Variants in TRPM6 observed in about 807,000 individuals in gnomAD.
The protein encoded by TRPM6 is transient receptor potential cation channel subfamily M member 6, also known as channel kinase 2.
In TRPM6, 111 loss-of-function variants were observed where a neutral mutation model predicts 247.6. The ratio of observed to expected loss-of-function variants is 0.45; its 90% CI spans 0.38 to 0.52. The LOEUF (loss-of-function observed/expected upper bound fraction) is 0.52, where lower values mean the gene tolerates loss of function less well. TRPM6 is among the 20% of genes least tolerant of loss of function. The pLI is 0.00. For synonymous variants in TRPM6, 892 were observed against 853.8 expected (o/e 1.04, Z -0.78); for missense variants, 2,126 against 2,421.5 (o/e 0.88, Z 2.56).
chr9:74,859,199 C>G (rs1830620857), intron 1 of TRPM6, among the ~76,000 whole-genome samples: 1 of 152,162 alleles, frequency 6.6e-6, no homozygotes, highest in South Asian at 2.1e-4. Context: ...AGAGATGTGA[C>G]TCAGCAAGAT....
chr9:74,837,726 G>A (rs1256726735), intron 5 of TRPM6, among the ~76,000 whole-genome samples: 1 of 150,616 alleles, frequency 6.6e-6, no homozygotes, highest in Non-Finnish European at 1.5e-5. Flanking sequence ...GATTACAGGT[G>A]TGAGCCACCA....
At chr9:74,753,722 C>T (rs756557277) in intron 28 of TRPM6, among the ~76,000 whole-genome samples, 10 of 152,070 alleles carry the variant, frequency 6.6e-5, no homozygotes, top group Non-Finnish European at 1.5e-4. Context: ...AGAGAGAATG[C>T]TACCTGACAG....
chr9:74,876,741 A>C (rs973200134), intron 1 of TRPM6, among the ~76,000 whole-genome samples: 1 of 152,224 alleles, frequency 6.6e-6, no homozygotes, highest in Non-Finnish European at 1.5e-5. Context: ...AATCTGGTAC[A>C]TAATAATTAT....
chr9:74,768,626 C>G (rs1271175730), intron 25 of TRPM6, among the ~76,000 whole-genome samples: 2 of 152,216 alleles, frequency 1.3e-5, no homozygotes, highest in Non-Finnish European at 2.9e-5. Context: ...TCTCCCTTAG[C>G]TCCACATCTG....
Position 74,810,870 on chromosome 9 carries a change from T to C in TRPM6, c.1444-2A>G. 1 of 1,613,024 alleles carries C rather than the reference T, an allele frequency of 6.2e-7. No individual in the cohort carries two copies. The highest frequency in any genetic ancestry group is 8.5e-7 in the Non-Finnish European group (1 of 1,179,132). ...GAGTGTATTAGTAGGTCCTTGTTTC[T>C]GAAATAAAGAACAAAAGGAAGAATT... On this transcript the variant is annotated splice_acceptor_variant, in intron 12 of 38. Coordinates refer to ENST00000360774, the MANE Select transcript of TRPM6 (RefSeq NM_017662.5). LOFTEE classifies it high-confidence loss of function.
intron 1 of TRPM6, among the ~76,000 whole-genome samples, chr9:74,869,996 A>G (rs115055756): frequency 0.01 from 1,568 of 152,294 alleles, 32 homozygotes; most frequent in African/African-American, 0.036. Flanking sequence ...TGCCAACTTC[A>G]GCATTTATTT....
chr9:74,771,102 A>G (rs1176456307), intron 25 of TRPM6, among the ~76,000 whole-genome samples: 2 of 152,128 alleles, frequency 1.3e-5, no homozygotes, highest in African/African-American at 4.8e-5. Context: ...ATGTGGCCTC[A>G]GGCGGCTGCG....
chr9:74,801,275 T>TTTTTTTA (rs1491404272), intron 16 of TRPM6, among the ~76,000 whole-genome samples: 24 of 75,844 alleles, frequency 3.2e-4, no homozygotes, highest in African/African-American at 1.5e-3. Context: ...TTTTTTTTTT[T>TTTTTTTA]ATTGACGGAG....
chr9:74,722,528 T>A lies in TRPM6; in HGVS notation c.*2085A>T, dbSNP rs542305317. 2.6e-5 allele frequency: 4 copies of A among 152,336 alleles called. No individual in the cohort carries two copies. In the East Asian group the frequency reaches 7.7e-4, roughly 29 times the overall value. 9.4% of individuals were successfully genotyped at this position (152,336 alleles called of 1,614,324 possible). A position where few individuals can be genotyped will look rare whatever the true frequency, so the allele number is the denominator to read the frequency against. On this transcript the variant is annotated 3_prime_UTR_variant, in exon 39 of 39. Transcript: ENST00000360774. ...AAATCCAAATGTATTTGCTTTCAAG[T>A]TCCATTCCAGGTAACAAATATTTGA...
At chr9:74,855,447 A>G in intron 3 of TRPM6, 80 bp downstream of exon 3, 1 of 987,642 alleles carries the variant, frequency 1.0e-6, no homozygotes, top group Non-Finnish European at 1.6e-6. Context: ...GAGTACATTC[A>G]AGATATGAGG....
At chr9:74,861,721 G>T (rs1284984854) in intron 1 of TRPM6, among the ~76,000 whole-genome samples, 1 of 152,078 alleles carries the variant, frequency 6.6e-6, no homozygotes, top group Non-Finnish European at 1.5e-5. Flanking sequence ...ATTATTACTA[G>T]CAATATTAAA....
chr9:74,868,995 A>G (rs1564059404), intron 1 of TRPM6, among the ~76,000 whole-genome samples: 1 of 152,214 alleles, frequency 6.6e-6, no homozygotes, highest in Non-Finnish European at 1.5e-5. Flanking sequence ...CAGTTTAGTA[A>G]AATGTTTGCA....
chr9:74,816,949 C>T lies in TRPM6; in HGVS notation c.1150G>A (p.Ala384Thr), dbSNP rs995780111. Residue 384 changes from alanine (A) to threonine (T), a missense_variant, in exon 10 of 39, where the codon GCT (alanine) becomes ACT (threonine). By Grantham distance (58) the Ala-to-Thr change is moderately conservative (BLOSUM62 0). This residue lies in a region of TRPM6 where 1,082 missense variants were observed against 1,307.9 expected (regional missense o/e 0.83). Transcript: ENST00000360774. ...AGGTCTTGCTGCTCTTCAGAGTCAG[C>T]ATCAAATATGGTAATCTACAACAGT... ...VHRDCITIFD[A>T]DSEEQQDLDL... 1.2e-6 allele frequency: 2 copies of T among 1,613,896 alleles called. No individual in the cohort carries two copies. Among genetic ancestry groups the T allele is most frequent in the Non-Finnish European group, 1.7e-6 (2 of 1,179,948 alleles).
At chr9:74,885,741 C>T (rs1831510910) in intron 1 of TRPM6, among the ~76,000 whole-genome samples, 2 of 152,100 alleles carry the variant, frequency 1.3e-5, no homozygotes, top group Non-Finnish European at 2.9e-5. Context: ...GAAAATCACT[C>T]AGATTATTTG....
intron 1 of TRPM6, among the ~76,000 whole-genome samples, chr9:74,866,197 A>G (rs1028979758): frequency 6.6e-6 from 1 of 152,266 alleles, no homozygotes; most frequent in Non-Finnish European, 1.5e-5. Flanking sequence ...AATTTTATTT[A>G]TGACATTCAT....
In TRPM6 at chr9:74,841,048, A is replaced by T. The variant is rs1033851426; in HGVS notation, c.331-811T>A. On this transcript the variant is annotated intron_variant, in intron 4 of 38. Transcript: ENST00000360774. ...ATTCTAGAGCATGGACATTTAATTT[A>T]TTGTAAATTTTACCTTCTAATTAAA... Among the ~76,000 whole-genome samples the T allele has an allele frequency of 2.0e-5, 3 of 152,088 alleles. No homozygotes were observed. The East Asian group carries it at 5.8e-4, about 29-fold the overall frequency.
chr9:74,872,420 A>C (rs1448088141), intron 1 of TRPM6, among the ~76,000 whole-genome samples: 1 of 152,056 alleles, frequency 6.6e-6, no homozygotes, highest in Non-Finnish European at 1.5e-5. Context: ...TGCAGGCATG[A>C]GCTGCCATGC....
At chr9:74,865,055 G>A (rs1830804855) in intron 1 of TRPM6, among the ~76,000 whole-genome samples, 1 of 141,414 alleles carries the variant, frequency 7.1e-6, no homozygotes, top group South Asian at 2.4e-4. Flanking sequence ...CCTGGGCAAT[G>A]AGAGAGAAAT....
chr9:74,802,983 A>T (rs1336115963), intron 15 of TRPM6, among the ~76,000 whole-genome samples: 1 of 152,082 alleles, frequency 6.6e-6, no homozygotes, highest in Non-Finnish European at 1.5e-5. Flanking sequence ...CCACCTTCCA[A>T]GTTCAACCAA....
Sources: gnomAD v4.1 joint callset for allele counts (sites outside exome capture counted in the v4.1 genomes callset) on GRCh38, gnomAD v4.1.1 for gene constraint, gnomAD v4.1.1 regional missense constraint, MANE v1.5 for transcripts, NCBI Gene and HGNC (gene_info 2026-07-23, HGNC 2026-07-21) for gene names.